The following DNAH14 variants were observed in gnomAD, a reference collection of about 807,000 sequenced individuals.
The protein encoded by DNAH14 is axonemal beta dynein heavy chain 14.
DNAH14 carries 478 observed loss-of-function variants against 520.9 expected under a neutral mutation model. The observed-to-expected ratio is 0.92, with a 90% confidence interval of 0.85 to 0.99. The LOEUF (loss-of-function observed/expected upper bound fraction) is 0.99. Ranked by LOEUF, DNAH14 falls within the 50% of genes least tolerant of loss-of-function variation. The pLI is 0.00. For missense variants in DNAH14, 4,831 were observed against 5,234.5 expected (o/e 0.92, Z 2.38); for synonymous variants, 1,581 against 1,757.2 (o/e 0.90, Z 2.51).
intron 35 of DNAH14, among the ~76,000 whole-genome samples, chr1:225,166,360 A>G (rs915970807): frequency 6.6e-6 from 1 of 152,230 alleles, no homozygotes; most frequent in Non-Finnish European, 1.5e-5. Context: ...CCACATTTGT[A>G]TAATTTTTAC....
At chr1:225,056,938 G>A (rs1415823052) in intron 17 of DNAH14, among the ~76,000 whole-genome samples, 2 of 152,160 alleles carry the variant, frequency 1.3e-5, no homozygotes, top group African/African-American at 2.4e-5. Flanking sequence ...CTGTAGCCTT[G>A]TAGTATAGTT....
At chr1:225,366,660 G>T (rs1653982910) in intron 76 of DNAH14, among the ~76,000 whole-genome samples, 1 of 152,128 alleles carries the variant, frequency 6.6e-6, no homozygotes. Context: ...CCTCTACTGT[G>T]CACAGAGCCA....
At chr1:225,335,605 GTA>G (rs1491287947) in intron 66 of DNAH14, among the ~76,000 whole-genome samples, 6 of 105,118 alleles carry the variant, frequency 5.7e-5, no homozygotes, top group Non-Finnish European at 1.1e-4. Flanking sequence ...ATACGCATAC[GTA>G]TATGTGTATA....
At position 225,335,394 on chromosome 1, in the gene DNAH14, C is replaced by CGTGTGT. The variant is rs1558428479; in HGVS notation, c.10081-1872_10081-1871insGTGTGT. ...ATGTGTGTGTATATGCACATATACA[C>CGTGTGT]ATGTGTACATGTGTGTGTATGCACA... is the stretch of plus-strand genomic sequence containing the variant. On this transcript the variant is annotated intron_variant, in intron 66 of 85. Transcript: ENST00000682510. Among the ~76,000 whole-genome samples the CGTGTGT allele has an allele frequency of 2.5e-3, 193 of 76,222 alleles. 38 individuals carry two copies. Among genetic ancestry groups the CGTGTGT allele is most frequent in the East Asian group, 0.012 (22 of 1,804 alleles). The allele number at this position is 76,222 out of a possible 152,430, so 50.0% of individuals were successfully genotyped here. A position where few individuals can be genotyped will look rare whatever the true frequency, so the allele number is the denominator to read the frequency against.
Position 225,097,251 on chromosome 1 carries a change from A to G in DNAH14, c.3695+12A>G. On this transcript the variant is annotated intron_variant, in intron 22 of 85. Coordinates refer to ENST00000682510, the MANE Select transcript of DNAH14 (RefSeq NM_001367479.1). ...TCAGAAATACGAAGGTAAAATACCT[A>G]AAATATACCATATACAGGTTCAAAA... 1 of 1,547,008 alleles carries G rather than the reference A, an allele frequency of 6.5e-7. No homozygotes were observed. Among genetic ancestry groups the G allele is most frequent in the Non-Finnish European group, 8.7e-7 (1 of 1,144,754 alleles).
intron 63 of DNAH14, 134 bp from the exon 64 acceptor site, chr1:225,324,603 C>G (rs527803455): frequency 1.1e-6 from 1 of 918,916 alleles, no homozygotes; most frequent in Non-Finnish European, 1.6e-6. Context: ...AACTTTGTAC[C>G]CCACATATAC....
Position 225,085,709 on chromosome 1 carries a change from G to T in DNAH14, c.3493G>T (p.Asp1165Tyr). ...CTCTATCTTCATAATTCCATCTATA[G>T]ATGACATATCAGCTCAGTTAGAAGA... is the stretch of plus-strand genomic sequence containing the variant. The part of the protein sequence containing the change: ...IYSIFIIPSI[D>Y]DISAQLEESQ... The change falls in exon 21 of 86, where the codon GAT (aspartate) becomes TAT (tyrosine). Residue 1165 changes from aspartate (D) to tyrosine (Y), a missense_variant. Coordinates refer to ENST00000682510, the MANE Select transcript of DNAH14 (RefSeq NM_001367479.1). 6.4e-7 allele frequency: 1 copy of T among 1,551,330 alleles called. No homozygotes were observed. The highest frequency in any genetic ancestry group is 8.7e-7 in the Non-Finnish European group (1 of 1,146,760).
Position 225,319,054 on chromosome 1 carries a change from G to A in DNAH14, c.9335+377G>A, listed in dbSNP as rs180879614. Reference sequence around the variant, plus strand: ...CTGGCCTGCAGTTCCAAAAATAAAAGGACAATGTTTACACATTGTAAACGG... The same window carrying A: ...CTGGCCTGCAGTTCCAAAAATAAAAAGACAATGTTTACACATTGTAAACGG... On this transcript the variant is annotated intron_variant, in intron 61 of 85. Transcript: ENST00000682510. Among the ~76,000 whole-genome samples the A allele has an allele frequency of 2.0e-5, 3 of 152,270 alleles. No individual in the cohort carries two copies. In the East Asian group the frequency reaches 5.8e-4, roughly 29 times the overall value.
At chr1:225,345,430 G>A (rs2095271598) in intron 69 of DNAH14, among the ~76,000 whole-genome samples, 2 of 152,132 alleles carry the variant, frequency 1.3e-5, no homozygotes, top group African/African-American at 4.8e-5. Context: ...TATTTGAAGG[G>A]AATAGATTTA....
chr1:224,942,557 G>A (rs1330944797), intron 1 of DNAH14, among the ~76,000 whole-genome samples: 1 of 150,940 alleles, frequency 6.6e-6, no homozygotes, highest in Admixed American at 6.8e-5. Context: ...TAGGAGTGGT[G>A]AGAGAGGGCA....
chr1:225,050,109 A>G (rs1274688272), intron 15 of DNAH14, 101 bp from the exon 16 acceptor site: 4 of 992,668 alleles, frequency 4.0e-6, no homozygotes, highest in Non-Finnish European at 5.7e-6. Flanking sequence ...CTCATAATAA[A>G]TCAGCCCCCA....
At chr1:225,206,897 GAGTA>G (rs2087640911) in intron 40 of DNAH14, 67 bp from the exon 41 acceptor site, 1 of 1,301,338 alleles carries the variant, frequency 7.7e-7, no homozygotes, top group Admixed American at 3.4e-5. Flanking sequence ...AGTAAAAAGA[GAGTA>G]AGATAGTAGA....
intron 4 of DNAH14, among the ~76,000 whole-genome samples, chr1:224,962,235 G>A (rs2125567586): frequency 6.6e-6 from 1 of 152,140 alleles, no homozygotes; most frequent in East Asian, 1.9e-4. Context: ...TGAATATGAT[G>A]GACTGTCACT....
chr1:224,989,265 A>T (rs2062865289), intron 8 of DNAH14, among the ~76,000 whole-genome samples: 1 of 152,180 alleles, frequency 6.6e-6, no homozygotes, highest in Admixed American at 6.5e-5. Flanking sequence ...ACTCAAGTTG[A>T]CACACAAAAT....
At chr1:225,013,772 C>T (rs928365114) in intron 10 of DNAH14, among the ~76,000 whole-genome samples, 2 of 152,154 alleles carry the variant, frequency 1.3e-5, no homozygotes, top group African/African-American at 4.8e-5. Context: ...AAATTGCCTA[C>T]TCAAGCCTCA....
chr1:225,208,472 A>G (rs920545567), intron 41 of DNAH14, among the ~76,000 whole-genome samples: 4 of 152,194 alleles, frequency 2.6e-5, no homozygotes, highest in African/African-American at 9.6e-5. Context: ...AATATTATGT[A>G]TTTTAAATAT....
chr1:225,006,643 T>C (rs1292619857), intron 9 of DNAH14, among the ~76,000 whole-genome samples: 2 of 152,200 alleles, frequency 1.3e-5, no homozygotes, highest in African/African-American at 2.4e-5. Context: ...TCAGATTGGT[T>C]GTCTGCTCTC....
intron 27 of DNAH14, 118 bp from the exon 28 acceptor site, chr1:225,140,650 C>A: frequency 1.2e-6 from 1 of 847,288 alleles, no homozygotes; most frequent in Non-Finnish European, 1.7e-6. Flanking sequence ...TACACAAACA[C>A]TTACATACAC....
chr1:225,210,339 C>T (rs61851520), intron 41 of DNAH14, among the ~76,000 whole-genome samples: 17,352 of 152,116 alleles, frequency 0.11, 1,190 homozygotes, highest in East Asian at 0.31. Context: ...GGGCATCCAC[C>T]ATTACAGAGG....
Sources: allele counts gnomAD v4.1 joint callset (sites outside exome capture counted in the v4.1 genomes callset), GRCh38; gene constraint gnomAD v4.1.1; transcripts MANE v1.5; gene names NCBI Gene and HGNC (gene_info 2026-07-23, HGNC 2026-07-21).